RALGPS1: variants seen among roughly 807,000 people sequenced by gnomAD.
RALGPS1 encodes ras-specific guanine nucleotide-releasing factor RalGPS1.
In RALGPS1, 19 loss-of-function variants were observed where a neutral mutation model predicts 78.8. The ratio of observed to expected loss-of-function variants is 0.24; its 90% confidence interval spans 0.17 to 0.35. RALGPS1 has a LOEUF of 0.35. Ranked by LOEUF, RALGPS1 falls within the 10% of genes least tolerant of loss-of-function variation. The probability of loss-of-function intolerance (pLI) is 1.00; values close to 1 mark genes in which losing one functional copy is unlikely to be tolerated. For missense variants in RALGPS1, 454 were observed against 688.3 expected (o/e 0.66, Z 3.81); for synonymous variants, 228 against 256.3 (o/e 0.89, Z 1.06).
At chr9:127,210,526 G>A (rs1036286460) in intron 14 of RALGPS1, 1 of 603,860 alleles carries the variant, frequency 1.7e-6, no homozygotes, top group South Asian at 2.0e-5. Context: ...GCAGCTCCAG[G>A]TGTGCTTGTA....
chr9:126,927,399 C>T (rs952174701), intron 1 of RALGPS1, among the ~76,000 whole-genome samples: 11 of 152,068 alleles, frequency 7.2e-5, no homozygotes, highest in Non-Finnish European at 1.6e-4. Flanking sequence ...GTGTGGAAAC[C>T]GGTGGTGGGG....
chr9:127,129,829 G>A (rs970950341), intron 8 of RALGPS1, among the ~76,000 whole-genome samples: 12 of 152,192 alleles, frequency 7.9e-5, no homozygotes, highest in Admixed American at 5.9e-4. Context: ...GGCTGGGCTG[G>A]GTAATCCTGG....
chr9:127,036,247 T>C (rs1446805055), intron 5 of RALGPS1, among the ~76,000 whole-genome samples: 1 of 152,262 alleles, frequency 6.6e-6, no homozygotes, highest in Admixed American at 6.5e-5. Flanking sequence ...GACATAGCCC[T>C]GGTAGCTCTG....
chr9:126,966,046 C>T (rs1446130501), intron 3 of RALGPS1, 95 bp downstream of exon 3: 3 of 865,442 alleles, frequency 3.5e-6, no homozygotes, highest in Non-Finnish European at 5.9e-6. Context: ...TGGAAACATT[C>T]TATATGCCCA....
chr9:127,180,706 A>G (rs1384780737), intron 11 of RALGPS1, among the ~76,000 whole-genome samples: 7 of 152,238 alleles, frequency 4.6e-5, no homozygotes. Context: ...TGAGGCACTC[A>G]CCAGCATACC....
chr9:127,144,201 C>A (rs1246729463), intron 8 of RALGPS1, among the ~76,000 whole-genome samples: 1 of 152,208 alleles, frequency 6.6e-6, no homozygotes, highest in Non-Finnish European at 1.5e-5. Flanking sequence ...GGCTGTCCCC[C>A]TCTAACAGTG....
At chr9:127,175,708 T>TA (rs1443835085) in intron 11 of RALGPS1, among the ~76,000 whole-genome samples, 1 of 126,884 alleles carries the variant, frequency 7.9e-6, no homozygotes, top group Non-Finnish European at 1.6e-5. Flanking sequence ...TTTTATCCTA[T>TA]AAAATGGGAT....
At chr9:126,965,225 TACCTCTC>T (rs1165594454) in intron 2 of RALGPS1, among the ~76,000 whole-genome samples, 2 of 152,242 alleles carry the variant, frequency 1.3e-5, no homozygotes, top group African/African-American at 4.8e-5. Flanking sequence ...GCCAGTTGGT[TACCTCTC>T]ACCTCATTAG....
chr9:126,956,116 G>A (rs1352751623), intron 1 of RALGPS1, among the ~76,000 whole-genome samples: 1 of 152,190 alleles, frequency 6.6e-6, no homozygotes, highest in Non-Finnish European at 1.5e-5. Context: ...TAGTTGACCA[G>A]CAGAGACTTA....
intron 11 of RALGPS1, chr9:127,184,250 G>A (rs1381911984): frequency 1.3e-5 from 7 of 522,224 alleles, no homozygotes; most frequent in Non-Finnish European, 2.4e-5. Context: ...ATCCCAGGAG[G>A]GGGAGGCTAC....
At chr9:127,062,492 A>G (rs956760379) in intron 7 of RALGPS1, among the ~76,000 whole-genome samples, 1 of 152,218 alleles carries the variant, frequency 6.6e-6, no homozygotes, top group Non-Finnish European at 1.5e-5. Context: ...TTAAGAGAGA[A>G]CCAGTAAGAT....
rs763578177 is a variant in RALGPS1, at chr9:127,091,973, G to A, written c.610+22617G>A. 1.9e-6 allele frequency: 3 copies of A among 1,604,624 alleles called. No individual in the cohort carries two copies. The highest frequency in any genetic ancestry group is 1.1e-5 in the South Asian group (1 of 90,002). On this transcript the variant is annotated intron_variant, in intron 8 of 18. Transcript: ENST00000259351. The surrounding 1 kb of genome is among the most constrained non-coding windows in gnomAD (Gnocchi z 4.3). ...AAACCCAGGAGAGTGTTAATGTGGA[G>A]CCTGCAGCACCTGCAGCCAGCAGGC... is the stretch of plus-strand genomic sequence containing the variant.
intron 7 of RALGPS1, among the ~76,000 whole-genome samples, chr9:127,057,458 T>C (rs1243560653): frequency 6.6e-6 from 1 of 152,196 alleles, no homozygotes; most frequent in Non-Finnish European, 1.5e-5. Context: ...GGCCTCTCCA[T>C]GGGTGGCTGC....
At position 127,211,380 on chromosome 9, in the gene RALGPS1, A is replaced by G. The variant is rs550027249; in HGVS notation, c.1248-751A>G. 1.3e-5 allele frequency among the ~76,000 whole-genome samples: 2 copies of G among 152,278 alleles called. No individual in the cohort carries two copies. The highest frequency in any genetic ancestry group is 2.1e-4 in the South Asian group (1 of 4,830). ...AGGAAGGTCCAGTGGCCTGAGGTGTAGTGGGATGGCGAAGATGGATGGTCA... is the reference window on the plus strand; with the variant it reads ...AGGAAGGTCCAGTGGCCTGAGGTGTGGTGGGATGGCGAAGATGGATGGTCA... On this transcript the variant is annotated intron_variant, in intron 14 of 18. Transcript: ENST00000259351. This position sits in a 1 kb window ranked among gnomAD's most constrained non-coding sequence, Gnocchi z 5.0.
At chr9:127,069,152 T>A in intron 7 of RALGPS1, 78 bp from the exon 8 acceptor site, 1 of 1,383,960 alleles carries the variant, frequency 7.2e-7, no homozygotes, top group Non-Finnish European at 1.0e-6. Context: ...GATTTTCCCT[T>A]TTAGTCTTCA....
chr9:127,023,543 A>C (rs1273176948), intron 4 of RALGPS1, among the ~76,000 whole-genome samples: 2 of 151,324 alleles, frequency 1.3e-5, no homozygotes, highest in African/African-American at 4.9e-5. Flanking sequence ...TCTTCCAGGG[A>C]GGGCTTGGGA....
chr9:126,949,749 C>G (rs2037630920), intron 1 of RALGPS1, among the ~76,000 whole-genome samples: 1 of 151,732 alleles, frequency 6.6e-6, no homozygotes, highest in South Asian at 2.1e-4. Context: ...AAAATTTTCT[C>G]CCATTTTGTA....
intron 7 of RALGPS1, among the ~76,000 whole-genome samples, chr9:127,065,399 A>G (rs1484983000): frequency 1.3e-5 from 2 of 152,086 alleles, no homozygotes; most frequent in Non-Finnish European, 2.9e-5. Flanking sequence ...GGCGTGAGCC[A>G]CTGTGCCCGG....
intron 2 of RALGPS1, among the ~76,000 whole-genome samples, chr9:126,963,715 G>T (rs1357345539): frequency 1.3e-5 from 2 of 152,160 alleles, no homozygotes; most frequent in African/African-American, 4.8e-5. Flanking sequence ...GGAAGCTAAG[G>T]CACAGACAGG....
Sources: gnomAD v4.1 joint callset for allele counts (sites outside exome capture counted in the v4.1 genomes callset) on GRCh38, gnomAD v4.1.1 for gene constraint, Gnocchi (gnomAD v3.1) non-coding constraint, MANE v1.5 for transcripts, NCBI Gene and HGNC (gene_info 2026-07-23, HGNC 2026-07-21) for gene names.